The following ZFP14 variants were observed in gnomAD, a reference collection of about 807,000 sequenced individuals.
The protein encoded by ZFP14 is ZFP14 zinc finger protein.
ZFP14 carries 22 observed loss-of-function variants against 54.5 expected under a neutral mutation model. That is an observed-to-expected ratio of 0.40 (90% CI 0.29 to 0.58). The LOEUF (loss-of-function observed/expected upper bound fraction) is 0.58. ZFP14 is among the 20% of genes least tolerant of loss of function. The pLI is 0.39. For synonymous variants in ZFP14, 159 were observed against 204.0 expected (o/e 0.78, Z 1.88); for missense variants, 470 against 637.8 (o/e 0.74, Z 2.83).
intron 1 of ZFP14, among the ~76,000 whole-genome samples, chr19:36,373,919 A>AG (rs575549758): frequency 1.0e-3 from 154 of 151,334 alleles, no homozygotes; most frequent in African/African-American, 3.6e-3. Context: ...CTCAAAAAAA[A>AG]AAAAAAAGAA....
At chr19:36,352,259 A>C (rs1431135115) in intron 4 of ZFP14, among the ~76,000 whole-genome samples, 2 of 143,446 alleles carry the variant, frequency 1.4e-5, no homozygotes, top group Non-Finnish European at 3.1e-5. Context: ...ATTCAATGCA[A>C]TAAGTAAATA....
chr19:36,375,839 G>A (rs558331394), intron 1 of ZFP14, among the ~76,000 whole-genome samples: 2 of 152,002 alleles, frequency 1.3e-5, no homozygotes, highest in Non-Finnish European at 2.9e-5. Context: ...TTACAGGCGT[G>A]AGCCACCGCG....
rs939483691 is a variant in ZFP14, at chr19:36,353,475, C to T, written c.235+6960G>A. ...CAGCACTTTGGGAGGCCGAGGCAGG[C>T]AGATCACAAGGTCAGGCGTTCGAGA... On this transcript the variant is annotated intron_variant, in intron 4 of 4. Coordinates refer to ENST00000270001, the MANE Select transcript of ZFP14 (RefSeq NM_020917.3). Among the ~76,000 whole-genome samples, 11 of 139,234 alleles carry T rather than the reference C, an allele frequency of 7.9e-5. 1 individual carries two copies. The highest frequency in any genetic ancestry group is 6.9e-4 in the South Asian group (3 of 4,338). The allele number at this position is 139,234 out of a possible 152,430, so 91.3% of individuals were successfully genotyped here.
rs541765946 is a variant in ZFP14, at chr19:36,367,592, T to G, written c.9+292A>C. On this transcript the variant is annotated intron_variant, in intron 2 of 4. Transcript: ENST00000270001. Reference sequence around the variant, plus strand: ...ACCTCCCGGGTTCCAGCAATTCTCCTGCCTCAGCCTCCTGGGCGCCTGCCA... The same window carrying G: ...ACCTCCCGGGTTCCAGCAATTCTCCGGCCTCAGCCTCCTGGGCGCCTGCCA... Among the ~76,000 whole-genome samples the G allele has an allele frequency of 5.3e-5, 8 of 152,178 alleles. No homozygotes were observed. In the East Asian group the frequency reaches 1.4e-3, roughly 26 times the overall value.
At chr19:36,342,232 G>C (rs950059172) in intron 4 of ZFP14, among the ~76,000 whole-genome samples, 1 of 139,660 alleles carries the variant, frequency 7.2e-6, no homozygotes, top group Non-Finnish European at 1.5e-5. Flanking sequence ...CCAGGCTGGA[G>C]TGCAGTGGCA....
chr19:36,351,450 G>A (rs1476704750), intron 4 of ZFP14, among the ~76,000 whole-genome samples: 1 of 142,034 alleles, frequency 7.0e-6, no homozygotes, highest in Non-Finnish European at 1.6e-5. Flanking sequence ...AGTGAGCCAG[G>A]ATCCCACCAC....
chr19:36,376,371 C>T (rs1363207678), intron 1 of ZFP14, among the ~76,000 whole-genome samples: 1 of 152,000 alleles, frequency 6.6e-6, no homozygotes, highest in Admixed American at 6.6e-5. Flanking sequence ...CATAGTGAAA[C>T]CCCATCTCTA....
rs528659494 is a variant in ZFP14, at chr19:36,337,256, T to C, written c.*2968A>G. 6.6e-6 allele frequency: 1 copy of C among 152,224 alleles called. No individual in the cohort carries two copies. The highest frequency in any genetic ancestry group is 1.5e-5 in the Non-Finnish European group (1 of 68,042). The allele number at this position is 152,224 out of a possible 1,614,324, so 9.4% of individuals were successfully genotyped here. On this transcript the variant is annotated 3_prime_UTR_variant, in exon 5 of 5. Transcript: ENST00000270001. The stretch of plus-strand genomic sequence containing the variant: ...GGTTGCCCTTCCCCTTGTATTTTCA[T>C]GCTACCTGTTAGTTGAAGAAATCAG...
intron 4 of ZFP14, among the ~76,000 whole-genome samples, chr19:36,357,899 T>C (rs1470980218): frequency 6.6e-6 from 1 of 151,100 alleles, no homozygotes; most frequent in Non-Finnish European, 1.5e-5. Context: ...TGCACCACCA[T>C]GCCTGGCTAA....
At position 36,367,938 on chromosome 19, in the gene ZFP14, T is replaced by C; in HGVS notation, c.-46A>G. 6.2e-7 allele frequency: 1 copy of C among 1,601,148 alleles called. No individual in the cohort carries two copies. The highest frequency in any genetic ancestry group is 8.5e-7 in the Non-Finnish European group (1 of 1,173,002). ...TGGTCAGTCCTTTTCAAGATTTCTC[T>C]GTTGGAGAACTATGGAGTCCTGATA... On this transcript the variant is annotated 5_prime_UTR_variant, in exon 2 of 5. Transcript: ENST00000270001.
chr19:36,366,363 G>A (rs2031794997), intron 2 of ZFP14, among the ~76,000 whole-genome samples: 1 of 152,160 alleles, frequency 6.6e-6, no homozygotes. Context: ...CTGTCATCCA[G>A]GCTGGAGTGC....
chr19:36,371,404 CAT>C (rs1358210631), intron 1 of ZFP14, among the ~76,000 whole-genome samples: 2 of 152,034 alleles, frequency 1.3e-5, no homozygotes, highest in Non-Finnish European at 2.9e-5. Flanking sequence ...TAAAATCAAA[CAT>C]AAATTCTGGA....
Position 36,340,660 on chromosome 19 carries a change from A to G in ZFP14, c.1166T>C (p.Ile389Thr). 1 of 1,614,118 alleles carries G rather than the reference A, an allele frequency of 6.2e-7. No homozygotes were observed. The highest frequency in any genetic ancestry group is 8.5e-7 in the Non-Finnish European group (1 of 1,180,028). The change falls in exon 5 of 5, where the codon ATA becomes ACA. Residue 389 changes from isoleucine (I) to threonine (T), a missense_variant. By Grantham distance (89) the Ile-to-Thr change is moderately conservative (BLOSUM62 -1). Transcript: ENST00000270001. This position sits in a 1 kb window ranked among gnomAD's most constrained non-coding sequence, Gnocchi z 5.4. ...TTCATAGGGTTTCTCACGAGTATGT[A>G]TTCTCTGATGGCGAACTAGTTGTTG... ...LRQQLVRHQRIHTREKPYECM... is the reference protein window; with the variant it reads ...LRQQLVRHQRTHTREKPYECM...
intron 4 of ZFP14, among the ~76,000 whole-genome samples, chr19:36,343,015 TAA>T (rs1297221950): frequency 6.6e-6 from 1 of 152,098 alleles, no homozygotes; most frequent in East Asian, 1.9e-4. Context: ...ACACAGCAAA[TAA>T]AGAGTCCAGG....
At chr19:36,342,575 T>A (rs957371632) in intron 4 of ZFP14, among the ~76,000 whole-genome samples, 3 of 97,312 alleles carry the variant, frequency 3.1e-5, no homozygotes, top group Non-Finnish European at 6.5e-5. Context: ...CAGCACTTCA[T>A]GTGTATTAAA....
At chr19:36,352,139 G>A (rs1253173485) in intron 4 of ZFP14, among the ~76,000 whole-genome samples, 4 of 139,376 alleles carry the variant, frequency 2.9e-5, no homozygotes, top group African/African-American at 7.9e-5. Flanking sequence ...AGCCGAGATC[G>A]TGCCACTGCA....
intron 1 of ZFP14, chr19:36,378,821 A>G (rs2032003625): frequency 6.6e-6 from 1 of 152,242 alleles, no homozygotes; most frequent in Admixed American, 6.5e-5. Context: ...ATCAGAGCGA[A>G]AGGCCAGGTA....
intron 4 of ZFP14, among the ~76,000 whole-genome samples, chr19:36,358,440 T>C (rs2031658006): frequency 6.6e-6 from 1 of 152,186 alleles, no homozygotes; most frequent in African/African-American, 2.4e-5. Context: ...TTATATCCCA[T>C]GACCTTATTG....
chr19:36,362,028 AAGT>A, intron 3 of ZFP14, 81 bp downstream of exon 3: 1 of 1,458,884 alleles, frequency 6.9e-7, no homozygotes, highest in Non-Finnish European at 9.2e-7. Context: ...TGAGAATAGA[AAGT>A]AGTTTTAGAG....
Sources: gnomAD v4.1 joint callset for allele counts (sites outside exome capture counted in the v4.1 genomes callset) on GRCh38, gnomAD v4.1.1 for gene constraint, Gnocchi (gnomAD v3.1) non-coding constraint, MANE v1.5 for transcripts, NCBI Gene and HGNC (gene_info 2026-07-23, HGNC 2026-07-21) for gene names.